PREP: variants seen among roughly 807,000 people sequenced by gnomAD.
The protein encoded by PREP is dJ355L5.1 (prolyl endopeptidase).
A neutral mutation model predicts 87.6 loss-of-function variants in PREP; 29 were observed. The observed-to-expected ratio is 0.33, with a 90% CI of 0.25 to 0.45. The LOEUF (loss-of-function observed/expected upper bound fraction) is 0.45. Ranked by LOEUF, PREP falls within the 20% of genes least tolerant of loss-of-function variation. The probability of loss-of-function intolerance (pLI) is 1.00; values close to 1 mark genes in which losing one functional copy is unlikely to be tolerated. For synonymous variants in PREP, 337 were observed against 328.6 expected, an observed-to-expected ratio of 1.03 and a Z score of -0.28; for missense variants, 695 against 886.5, an observed-to-expected ratio of 0.78 and a Z score of 2.74.
At position 105,326,469 on chromosome 6, in the gene PREP, AG is replaced by A. The variant is rs1280386453; in HGVS notation, c.1213+2359del. On this transcript the variant is annotated intron_variant, in intron 9 of 14. Coordinates refer to ENST00000652536, the MANE Select transcript of PREP (RefSeq NM_002726.5). ...GATGTGTTTTCACCATGTACCTCCA[AG>A]GAAAACAAAGTCAGCTGGTGTGCAC... Among the ~76,000 whole-genome samples the A allele has an allele frequency of 2.0e-5, 3 of 152,344 alleles. No individual in the cohort carries two copies. The East Asian group carries it at 5.8e-4, about 29-fold the overall frequency.
intron 7 of PREP, among the ~76,000 whole-genome samples, chr6:105,346,978 T>C (rs1771814138): frequency 6.6e-6 from 1 of 151,988 alleles, no homozygotes; most frequent in South Asian, 2.1e-4. Context: ...CAGGCACCTA[T>C]AATCCTAGCT....
chr6:105,288,811 T>C lies in PREP; in HGVS notation c.1401A>G (p.Pro467=), dbSNP rs1421432218. 1.2e-6 allele frequency: 2 copies of C among 1,614,192 alleles called. No homozygotes were observed. Among genetic ancestry groups the C allele is most frequent in the East Asian group, 4.5e-5 (2 of 44,886 alleles). Residue 467 remains proline, a synonymous_variant, in exon 11 of 15, where the codon CCA becomes CCG. Coordinates refer to ENST00000652536, the MANE Select transcript of PREP (RefSeq NM_002726.5). ...KKGIKLDGSH[P]AFLYGYGGFN... is the part of the protein sequence containing the mutation. ...AGCCGCCATAGCCATATAAGAAAGC[T>C]GGATGAGAGCCATCCAATTTTATGC... is the stretch of plus-strand genomic sequence containing the variant.
chr6:105,396,336 G>C (rs1240827682), intron 2 of PREP, among the ~76,000 whole-genome samples: 1 of 152,204 alleles, frequency 6.6e-6, no homozygotes, highest in South Asian at 2.1e-4. Context: ...GTGGGCAAAG[G>C]AGAGACACTA....
At chr6:105,313,031 A>G (rs933852484) in intron 10 of PREP, among the ~76,000 whole-genome samples, 3 of 152,160 alleles carry the variant, frequency 2.0e-5, no homozygotes, top group Non-Finnish European at 4.4e-5. Flanking sequence ...TTTTATAACT[A>G]TGACAACATT....
At chr6:105,292,876 C>G (rs1024080853) in intron 10 of PREP, among the ~76,000 whole-genome samples, 1 of 152,146 alleles carries the variant, frequency 6.6e-6, no homozygotes, top group African/African-American at 2.4e-5. Context: ...TTCCTGAAAC[C>G]GTATGGCCCA....
intron 11 of PREP, among the ~76,000 whole-genome samples, chr6:105,285,784 C>T (rs1313931792): frequency 6.6e-6 from 1 of 152,010 alleles, no homozygotes; most frequent in Non-Finnish European, 1.5e-5. Flanking sequence ...AATATATATA[C>T]ATATTTTTTG....
At chr6:105,374,425 A>C (rs1772634330) in intron 4 of PREP, among the ~76,000 whole-genome samples, 1 of 152,012 alleles carries the variant, frequency 6.6e-6, no homozygotes, top group Non-Finnish European at 1.5e-5. Flanking sequence ...AAATTTTAAG[A>C]AGCTCAACTA....
chr6:105,342,581 G>GA (rs1771687242), intron 7 of PREP, among the ~76,000 whole-genome samples: 1 of 152,186 alleles, frequency 6.6e-6, no homozygotes, highest in Non-Finnish European at 1.5e-5. Context: ...TAGGAAAAGA[G>GA]AAAGTCAAAA....
intron 2 of PREP, among the ~76,000 whole-genome samples, chr6:105,387,037 ACCC>A (rs545308113): frequency 1.1e-4 from 17 of 151,858 alleles, no homozygotes; most frequent in Non-Finnish European, 2.5e-4. Flanking sequence ...ACATGGTGAA[ACCC>A]CGTCTCTACT....
At chr6:105,286,428 C>T (rs1418417359) in intron 11 of PREP, among the ~76,000 whole-genome samples, 3 of 152,118 alleles carry the variant, frequency 2.0e-5, no homozygotes, top group Non-Finnish European at 2.9e-5. Context: ...GATATTTTCT[C>T]GAGATAAGCA....
rs1772713386 is a variant in PREP, at chr6:105,377,409, A to G, written c.231T>C (p.Ser77=). 1.2e-6 allele frequency: 2 copies of G among 1,610,316 alleles called. No individual in the cohort carries two copies. Among genetic ancestry groups the G allele is most frequent in the Non-Finnish European group, 8.5e-7 (1 of 1,179,032 alleles). The change falls in exon 3 of 15, where the codon AGT becomes AGC. Residue 77 remains serine (S), a synonymous_variant. Coordinates refer to ENST00000652536, the MANE Select transcript of PREP (RefSeq NM_002726.5). ...MTELYDYPKY[S]CHFKKGKRYF... The stretch of plus-strand genomic sequence containing the variant: ...ACCGTTTTCCTTTCTTGAAGTGGCA[A>G]CTATACTTGGGATAATCATATAGTT...
Position 105,397,908 on chromosome 6 carries a change from T to C in PREP, c.65A>G (p.His22Arg). The change falls in exon 2 of 15, where the codon CAT becomes CGT. Residue 22 changes from histidine (H) to arginine (R), a missense_variant. Physicochemically the swap from His to Arg is conservative, Grantham distance 29. Coordinates refer to ENST00000652536, the MANE Select transcript of PREP (RefSeq NM_002726.5). ...CCAGGCGTAAGGGTCACAAATTTTA[T>C]GACCATGATAATCCTGTACCTGTAA... ...DETAVQDYHG[H>R]KICDPYAWLE... The C allele has an allele frequency of 1.2e-6, 2 of 1,611,058 alleles. No homozygotes were observed. The highest frequency in any genetic ancestry group is 1.3e-5 in the African/African-American group (1 of 74,970).
At chr6:105,402,732 A>T (rs1773468183) in intron 1 of PREP, 115 bp downstream of exon 1, 4 of 918,734 alleles carry the variant, frequency 4.4e-6, no homozygotes, top group Non-Finnish European at 6.1e-6. Context: ...GCCGAGGGGG[A>T]GGGGAGGGAC....
chr6:105,281,996 G>C lies in PREP; in HGVS notation c.1682-94C>G. The stretch of plus-strand genomic sequence containing the variant: ...CAATACTTACTTACATGCTTCCAGA[G>C]CCCTGGTTGCATTTATCCAGAGCAC... On this transcript the variant is annotated intron_variant, in intron 13 of 14. Coordinates refer to ENST00000652536, the MANE Select transcript of PREP (RefSeq NM_002726.5). 2.8e-6 allele frequency: 4 copies of C among 1,429,202 alleles called. No individual in the cohort carries two copies. The South Asian group carries it at 5.6e-5, about 20-fold the overall frequency. The allele number at this position is 1,429,202 out of a possible 1,614,324, so 88.5% of individuals were successfully genotyped here. A position where few individuals can be genotyped will look rare whatever the true frequency, so the allele number is the denominator to read the frequency against.
intron 5 of PREP, 64 bp downstream of exon 5, chr6:105,373,305 T>C: frequency 6.6e-7 from 1 of 1,521,476 alleles, no homozygotes; most frequent in Non-Finnish European, 9.1e-7. Flanking sequence ...AGCATCTCTT[T>C]TCAGTCACTT....
intron 2 of PREP, 64 bp from the exon 3 acceptor site, chr6:105,377,583 C>T (rs996939540): frequency 3.3e-6 from 5 of 1,537,206 alleles, no homozygotes; most frequent in Non-Finnish European, 4.5e-6. Context: ...AAATATTATC[C>T]ACTAATATGT....
intron 10 of PREP, among the ~76,000 whole-genome samples, chr6:105,308,894 T>TG (rs1263576609): frequency 6.6e-6 from 1 of 151,428 alleles, no homozygotes; most frequent in Admixed American, 6.6e-5. Flanking sequence ...GGTAAGTGAG[T>TG]GGGGAAGGGC....
chr6:105,311,494 C>T (rs1489917009), intron 10 of PREP, among the ~76,000 whole-genome samples: 4 of 152,224 alleles, frequency 2.6e-5, no homozygotes, highest in Non-Finnish European at 5.9e-5. Flanking sequence ...CAAGTGAAAA[C>T]TCAGGGGAAC....
intron 9 of PREP, among the ~76,000 whole-genome samples, chr6:105,324,863 T>C (rs980166305): frequency 6.6e-6 from 1 of 152,248 alleles, no homozygotes; most frequent in African/African-American, 2.4e-5. Flanking sequence ...CTTATGAATG[T>C]TGTCTCAATT....
Sources: gnomAD v4.1 joint callset for allele counts (sites outside exome capture counted in the v4.1 genomes callset) on GRCh38, gnomAD v4.1.1 for gene constraint, MANE v1.5 for transcripts, NCBI Gene and HGNC (gene_info 2026-07-23, HGNC 2026-07-21) for gene names.